The following NFIB variants were observed in gnomAD, a reference collection of about 807,000 sequenced individuals.
The protein encoded by NFIB is nuclear factor 1 B-type.
In NFIB, 11 loss-of-function variants were observed where a neutral mutation model predicts 61.5. The observed-to-expected ratio is 0.18, with a 90% CI of 0.11 to 0.30. The LOEUF (loss-of-function observed/expected upper bound fraction) is 0.30, where lower values mean the gene tolerates loss of function less well. Among genes scored for constraint, NFIB ranks in the 10% least tolerant of loss-of-function variants. NFIB has a pLI of 1.00. For missense variants in NFIB, 471 were observed against 608.9 expected, an observed-to-expected ratio of 0.77 and a Z score of 2.38; for synonymous variants, 260 against 216.5, an observed-to-expected ratio of 1.20 and a Z score of -1.76.
intron 3 of NFIB, among the ~76,000 whole-genome samples, chr9:14,177,378 A>G (rs2046303430): frequency 6.6e-6 from 1 of 152,202 alleles, no homozygotes. Flanking sequence ...ATTTAAAATT[A>G]GAAAACATTT....
At chr9:14,514,991 C>T in the NFIB span, among the ~76,000 whole-genome samples, 2 of 152,142 alleles carry the variant, frequency 1.3e-5, no homozygotes, top group Admixed American at 6.5e-5. Flanking sequence ...AACCATTGCA[C>T]AGAATCTTAG....
At chr9:14,222,220 C>T (rs138582210) in intron 2 of NFIB, among the ~76,000 whole-genome samples, 3 of 152,266 alleles carry the variant, frequency 2.0e-5, no homozygotes, top group Non-Finnish European at 4.4e-5. Context: ...GAACATGTAA[C>T]TTCCTTTTTC....
chr9:14,197,568 TAA>T (rs1347443953), intron 2 of NFIB, among the ~76,000 whole-genome samples: 1 of 152,202 alleles, frequency 6.6e-6, no homozygotes, highest in South Asian at 2.1e-4. Flanking sequence ...TTACTATTTA[TAA>T]AAGACTGTGG....
chr9:14,116,613 G>C (rs2038185353), intron 8 of NFIB, among the ~76,000 whole-genome samples: 2 of 152,226 alleles, frequency 1.3e-5, no homozygotes, highest in Admixed American at 6.5e-5. Context: ...AGGTAGACTT[G>C]ATCCTTTCAT....
At chr9:14,433,152 G>A in the NFIB span, among the ~76,000 whole-genome samples, 3 of 152,084 alleles carry the variant, frequency 2.0e-5, no homozygotes, top group Non-Finnish European at 4.4e-5. Context: ...GACATTTTCA[G>A]GCTGTATTGT....
chr9:14,401,659 T>C (rs1360250042), upstream of NFIB, among the ~76,000 whole-genome samples: 1 of 152,230 alleles, frequency 6.6e-6, no homozygotes, highest in Non-Finnish European at 1.5e-5. Context: ...GGTCTAGTGT[T>C]TAATTAGAAA....
In NFIB at chr9:14,087,436, G is replaced by A. The variant is rs568359142; in HGVS notation, c.*873C>T. Reference sequence around the variant, plus strand: ...AGATATAAATTTATAAATTGCACTTGCCTCTGTTAAGTGTTTCTTTTGTGG... The same window carrying A: ...AGATATAAATTTATAAATTGCACTTACCTCTGTTAAGTGTTTCTTTTGTGG... On this transcript the variant is annotated 3_prime_UTR_variant, in exon 11 of 11. Transcript: ENST00000380953. 44 of 215,230 alleles carry A rather than the reference G, an allele frequency of 2.0e-4. No individual in the cohort carries two copies. The highest frequency in any genetic ancestry group is 3.0e-4 in the Non-Finnish European group (32 of 106,466). The allele number at this position is 215,230 out of a possible 1,614,324, so 13.3% of individuals were successfully genotyped here.
chr9:14,489,967 G>C, the NFIB span, among the ~76,000 whole-genome samples: 1 of 152,026 alleles, frequency 6.6e-6, no homozygotes, highest in Non-Finnish European at 1.5e-5. Context: ...TTCAGTGAAT[G>C]CTCAAACAAT....
intron 3 of NFIB, among the ~76,000 whole-genome samples, chr9:14,179,516 T>A (rs1475723997): frequency 6.6e-6 from 1 of 152,130 alleles, no homozygotes; most frequent in Non-Finnish European, 1.5e-5. Context: ...CAACAAAAAT[T>A]AAAACATTGG....
chr9:14,243,766 C>T (rs1205041183), intron 2 of NFIB, among the ~76,000 whole-genome samples: 2 of 152,116 alleles, frequency 1.3e-5, no homozygotes, highest in Non-Finnish European at 2.9e-5. Flanking sequence ...AATGTTCATC[C>T]ACTCAAAGAC....
chr9:14,292,517 TC>T (rs1228758292), intron 2 of NFIB, among the ~76,000 whole-genome samples: 2 of 152,328 alleles, frequency 1.3e-5, no homozygotes, highest in Admixed American at 1.3e-4. Context: ...AGAGGACTGC[TC>T]TCTGCCAAGA....
At chr9:14,417,199 T>A in the NFIB span, among the ~76,000 whole-genome samples, 7 of 152,076 alleles carry the variant, frequency 4.6e-5, no homozygotes, top group African/African-American at 1.7e-4. Flanking sequence ...CCTTAAATCT[T>A]TTATACTGTA....
At chr9:14,399,286 T>C (rs78285932), upstream of NFIB, among the ~76,000 whole-genome samples, 131 of 152,332 alleles carry the variant, frequency 8.6e-4, 1 homozygote, top group African/African-American at 3.0e-3. Flanking sequence ...AGCACTGGTC[T>C]AGATAGTTGG....
chr9:14,187,027 ATGTG>A (rs71491637), intron 2 of NFIB, among the ~76,000 whole-genome samples: 1,470 of 60,924 alleles, frequency 0.024, 25 homozygotes, highest in Middle Eastern at 0.045. Context: ...GTGTGTGTGT[ATGTG>A]TGTGTGTGTG....
chr9:14,247,118 A>G (rs1587901518), intron 2 of NFIB, among the ~76,000 whole-genome samples: 1 of 152,186 alleles, frequency 6.6e-6, no homozygotes, highest in East Asian at 1.9e-4. Context: ...CCCAGCCTCC[A>G]GGACTGTGAG....
intron 2 of NFIB, among the ~76,000 whole-genome samples, chr9:14,277,103 G>T (rs906508659): frequency 2.5e-4 from 38 of 152,166 alleles, no homozygotes; most frequent in Middle Eastern, 6.8e-3. Context: ...TGTTTTACAT[G>T]TTGTATTTTG....
At chr9:14,127,599 C>G (rs2039839823) in intron 6 of NFIB, among the ~76,000 whole-genome samples, 1 of 152,078 alleles carries the variant, frequency 6.6e-6, no homozygotes, top group South Asian at 2.1e-4. Flanking sequence ...AACTTTATCA[C>G]ACATACAAAA....
exon 1 of NFIB, chr9:14,398,606 T>C (rs2061711323): frequency 2.6e-6 from 4 of 1,532,634 alleles, no homozygotes; most frequent in African/African-American, 1.4e-5. Flanking sequence ...AACCCAGAAG[T>C]CCACAGACAC....
the NFIB span, among the ~76,000 whole-genome samples, chr9:14,505,926 T>A: frequency 3.3e-5 from 5 of 152,330 alleles, no homozygotes; most frequent in African/African-American, 9.6e-5. Flanking sequence ...TGATGTATTT[T>A]TTGAGCCACT....
Sources: allele counts gnomAD v4.1 joint callset (sites outside exome capture counted in the v4.1 genomes callset), GRCh38; gene constraint gnomAD v4.1.1; transcripts MANE v1.5; gene names NCBI Gene and HGNC (gene_info 2026-07-23, HGNC 2026-07-21).